Variants in EPB41L3 observed in about 807,000 individuals in gnomAD.
The protein encoded by EPB41L3 is band 4.1-like protein 3.
A neutral mutation model predicts 127.1 loss-of-function variants in EPB41L3; 57 were observed. The ratio of observed to expected loss-of-function variants is 0.45; its 90% CI spans 0.36 to 0.56. The LOEUF is 0.56. Among genes scored for constraint, EPB41L3 ranks in the 20% least tolerant of loss-of-function variants. The pLI is 0.00. For synonymous variants in EPB41L3, 572 were observed against 549.5 expected, an observed-to-expected ratio of 1.04 and a Z score of -0.57; for missense variants, 1,273 against 1,372.2, an observed-to-expected ratio of 0.93 and a Z score of 1.14.
rs536745095 is a variant in EPB41L3, at chr18:5,481,751, C to T, written c.184-3313G>A. ...ATTCCACAGATCCCTTGGGCACAAA[C>T]TCCTAGTCAGCCATCCCACATTGCC... On this transcript the variant is annotated intron_variant, in intron 2 of 22. Transcript: ENST00000341928. 8.7e-4 allele frequency among the ~76,000 whole-genome samples: 133 copies of T among 152,322 alleles called. 1 individual carries two copies. The highest frequency in any genetic ancestry group is 3.1e-3 in the African/African-American group (127 of 41,578).
chr18:5,395,541 G>A, intron 20 of EPB41L3, 68 bp downstream of exon 20: 4 of 1,464,074 alleles, frequency 2.7e-6, no homozygotes, highest in East Asian at 2.3e-5. Flanking sequence ...CCTGTGAGGA[G>A]TTCTGAACAA....
At position 5,443,897 on chromosome 18, in the gene EPB41L3, AT is replaced by A. The variant is rs770961254; in HGVS notation, c.487-18del. 1.9e-6 allele frequency: 3 copies of A among 1,603,320 alleles called. No homozygotes were observed. The highest frequency in any genetic ancestry group is 2.6e-6 in the Non-Finnish European group (3 of 1,174,390). On this transcript the variant is annotated intron_variant, in intron 4 of 22. Transcript: ENST00000341928. ...CAACCAATTCTGAAAAGGAAATGACATTTTGAATTTGAATCAGAGGAGAATA... is the reference window on the plus strand; with the variant it reads ...CAACCAATTCTGAAAAGGAAATGACATTTGAATTTGAATCAGAGGAGAATA...
intron 3 of EPB41L3, among the ~76,000 whole-genome samples, chr18:5,580,021 T>C (rs533624200): frequency 1.7e-4 from 26 of 152,264 alleles, no homozygotes; most frequent in African/African-American, 6.3e-4. Context: ...GGTAAGGTGA[T>C]TGAGAGAAAA....
intron 3 of EPB41L3, among the ~76,000 whole-genome samples, chr18:5,599,018 G>C (rs1173940359): frequency 6.6e-6 from 1 of 152,192 alleles, no homozygotes. Context: ...TTGGAAGTTT[G>C]ACATGCAGAA....
At chr18:5,620,740 T>G (rs1054451054) in intron 1 of EPB41L3, among the ~76,000 whole-genome samples, 1 of 152,140 alleles carries the variant, frequency 6.6e-6, no homozygotes, top group African/African-American at 2.4e-5. Context: ...TATTCCAATA[T>G]CTAACTATTA....
intron 10 of EPB41L3, 105 bp from the exon 11 acceptor site, chr18:5,423,658 T>C: frequency 1.0e-6 from 1 of 996,902 alleles, no homozygotes; most frequent in Middle Eastern, 2.7e-4. Context: ...ATGCTAAACA[T>C]TTAACGCACA....
chr18:5,410,460 C>A, intron 14 of EPB41L3, 106 bp downstream of exon 14: 1 of 796,928 alleles, frequency 1.3e-6, no homozygotes. Context: ...AAAGTTAGAA[C>A]TGATCTCCAT....
intron 1 of EPB41L3, among the ~76,000 whole-genome samples, chr18:5,532,991 C>T (rs1037055154): frequency 9.2e-5 from 14 of 151,654 alleles, no homozygotes; most frequent in African/African-American, 2.9e-4. Flanking sequence ...TTTTACTGGA[C>T]ACTGGGCAAA....
At chr18:5,545,671 T>C (rs756853292), upstream of EPB41L3, among the ~76,000 whole-genome samples, 1 of 152,162 alleles carries the variant, frequency 6.6e-6, no homozygotes, top group Non-Finnish European at 1.5e-5. Context: ...GATGGGCAAA[T>C]ACCAGGTTGG....
At chr18:5,514,884 T>A (rs1315750401) in intron 1 of EPB41L3, among the ~76,000 whole-genome samples, 1 of 152,222 alleles carries the variant, frequency 6.6e-6, no homozygotes, top group African/African-American at 2.4e-5. Context: ...GTATATAATG[T>A]TTATTTCCCA....
chr18:5,593,540 T>C (rs2143603941), intron 3 of EPB41L3, among the ~76,000 whole-genome samples: 1 of 152,242 alleles, frequency 6.6e-6, no homozygotes, highest in South Asian at 2.1e-4. Context: ...CACAGGACCA[T>C]GGGACCAGGG....
At chr18:5,418,706 G>A (rs1252667691) in intron 12 of EPB41L3, among the ~76,000 whole-genome samples, 2 of 152,128 alleles carry the variant, frequency 1.3e-5, no homozygotes, top group Non-Finnish European at 2.9e-5. Flanking sequence ...GATGGATTGG[G>A]CCATTTGTAA....
chr18:5,582,722 CT>C (rs1226541502), intron 3 of EPB41L3, among the ~76,000 whole-genome samples: 22 of 152,164 alleles, frequency 1.4e-4, no homozygotes, highest in Non-Finnish European at 2.6e-4. Context: ...CTTATTGATT[CT>C]ACACAAATTG....
At position 5,621,715 on chromosome 18, in the gene EPB41L3, T is replaced by C. The variant is rs532342518; in HGVS notation, c.-468+7207A>G. ...GTGATTGTGCCACTGCACTCCAGCC[T>C]GGGTGACAGAGCAAGACCCTGTCTC... On this transcript the variant is annotated intron_variant, in intron 1 of 21. Coordinates refer to the EPB41L3 transcript ENST00000545076. Among the ~76,000 whole-genome samples the C allele has an allele frequency of 2.6e-5, 4 of 152,340 alleles. No homozygotes were observed. In the East Asian group the frequency reaches 7.7e-4, roughly 29 times the overall value.
rs78857068 is a variant in EPB41L3, at chr18:5,495,349, A to T, written c.-11-6155T>A. 8.2e-3 allele frequency among the ~76,000 whole-genome samples: 1,252 copies of T among 152,012 alleles called. 17 individuals are homozygous for T. The highest frequency in any genetic ancestry group is 0.027 in the African/African-American group (1,122 of 41,444). On this transcript the variant is annotated intron_variant, in intron 1 of 22. Coordinates refer to ENST00000341928, the MANE Select transcript of EPB41L3 (RefSeq NM_012307.5). ...GTTACCAAGATTCATCAATATGGAG[A>T]CAAAGATTTCATAACAGAATTGCAC...
intron 1 of EPB41L3, among the ~76,000 whole-genome samples, chr18:5,490,647 ACTTT>A (rs1374158742): frequency 5.3e-5 from 8 of 152,188 alleles, no homozygotes; most frequent in Non-Finnish European, 1.0e-4. Context: ...AAATGAACAG[ACTTT>A]CTTTTTTCCT....
intron 2 of EPB41L3, among the ~76,000 whole-genome samples, chr18:5,484,086 CAAAAAAAAAAAAA>C (rs57231548): frequency 1.3e-3 from 24 of 18,272 alleles, no homozygotes; most frequent in South Asian, 2.7e-3. Context: ...CAAACAAACT[CAAAAAAAAAAAAA>C]AAAAAAAAAA....
chr18:5,491,926 C>A (rs2090638638), intron 1 of EPB41L3, among the ~76,000 whole-genome samples: 1 of 152,152 alleles, frequency 6.6e-6, no homozygotes, highest in Admixed American at 6.5e-5. Flanking sequence ...CCTAGATCAG[C>A]AAATTCTATT....
intron 1 of EPB41L3, among the ~76,000 whole-genome samples, chr18:5,511,390 G>GTTTTTTT (rs2092504757): frequency 7.1e-5 from 4 of 56,368 alleles, no homozygotes; most frequent in African/African-American, 1.3e-4. Flanking sequence ...GAGGTATTTT[G>GTTTTTTT]GTTTTTTTTT....
Sources: allele counts gnomAD v4.1 joint callset (sites outside exome capture counted in the v4.1 genomes callset), GRCh38; gene constraint gnomAD v4.1.1; transcripts MANE v1.5; gene names NCBI Gene and HGNC (gene_info 2026-07-23, HGNC 2026-07-21).